The following KLHL22 variants were observed in gnomAD, a reference collection of about 807,000 sequenced individuals.
The protein encoded by KLHL22 is kelch-like protein 22.
Under a neutral mutation model 60.7 loss-of-function variants are expected in KLHL22, and 18 were observed. The ratio of observed to expected loss-of-function variants is 0.30; its 90% CI spans 0.20 to 0.44. The LOEUF (loss-of-function observed/expected upper bound fraction) is 0.44. Among genes scored for constraint, KLHL22 ranks in the 20% least tolerant of loss-of-function variants. The pLI is 1.00. For synonymous variants in KLHL22, 355 were observed against 354.5 expected (o/e 1.00, Z -0.01); for missense variants, 596 against 852.3 (o/e 0.70, Z 3.74).
Position 20,471,338 on chromosome 22 carries a change from G to A in KLHL22, c.393+12C>T. 1 of 1,612,334 alleles carries A rather than the reference G, an allele frequency of 6.2e-7. No homozygotes were observed. The highest frequency in any genetic ancestry group is 8.5e-7 in the Non-Finnish European group (1 of 1,178,924). On this transcript the variant is annotated intron_variant, in intron 3 of 6. Coordinates refer to ENST00000328879, the MANE Select transcript of KLHL22 (RefSeq NM_032775.4). ...GGTGTGGGTCTGCCTTGCTAGATGAGACATGCCTCACCTGAAGCTGGCAGG... is the reference window on the plus strand; with the variant it reads ...GGTGTGGGTCTGCCTTGCTAGATGAAACATGCCTCACCTGAAGCTGGCAGG...
At chr22:20,470,979 C>T (rs550487154) in intron 3 of KLHL22, among the ~76,000 whole-genome samples, 1 of 152,228 alleles carries the variant, frequency 6.6e-6, no homozygotes, top group South Asian at 2.1e-4. Flanking sequence ...AGGAAGGGCC[C>T]TGGCAGCAAT....
intron 5 of KLHL22, among the ~76,000 whole-genome samples, chr22:20,456,909 G>GT (rs1306187486): frequency 2.0e-5 from 3 of 152,232 alleles, no homozygotes; most frequent in Non-Finnish European, 2.9e-5. Context: ...GGCAGTGCAG[G>GT]TAGAACCTGC....
chr22:20,486,683 CTT>C (rs60166792), intron 2 of KLHL22, among the ~76,000 whole-genome samples: 53 of 140,776 alleles, frequency 3.8e-4, no homozygotes, highest in Non-Finnish European at 4.0e-4. Flanking sequence ...TATTTCTTTT[CTT>C]TTTTTTTTTT....
At chr22:20,463,729 C>T (rs1386308730) in intron 4 of KLHL22, among the ~76,000 whole-genome samples, 1 of 152,208 alleles carries the variant, frequency 6.6e-6, no homozygotes, top group Non-Finnish European at 1.5e-5. Flanking sequence ...TTTTCTGAAA[C>T]CTGCCCTTCC....
At chr22:20,450,807 G>T in intron 5 of KLHL22, 1 of 1,468,186 alleles carries the variant, frequency 6.8e-7, no homozygotes, top group Non-Finnish European at 9.6e-7. Context: ...TAACCCTCAG[G>T]TATATCACAG....
At chr22:20,474,026 G>A (rs2146247884) in intron 2 of KLHL22, among the ~76,000 whole-genome samples, 1 of 152,196 alleles carries the variant, frequency 6.6e-6, no homozygotes, top group East Asian at 1.9e-4. Flanking sequence ...TTGAGACGAA[G>A]TCTCACTCTG....
rs999545741 is a variant in KLHL22, at chr22:20,489,675, C to T, written c.-33-431G>A. 4 of 470,896 alleles carry T rather than the reference C, an allele frequency of 8.5e-6. No homozygotes were observed. In the Admixed American group the frequency reaches 9.4e-5, roughly 11 times the overall value. 29.2% of individuals were successfully genotyped at this position (470,896 alleles called of 1,614,324 possible). Reference sequence around the variant, plus strand: ...AAACAATGAACATGAAGCATAAGCACACACCAGGTTCTCAAGAGCTCTTCC... The same window carrying T: ...AAACAATGAACATGAAGCATAAGCATACACCAGGTTCTCAAGAGCTCTTCC... On this transcript the variant is annotated intron_variant, in intron 1 of 6. Transcript: ENST00000328879.
intron 3 of KLHL22, among the ~76,000 whole-genome samples, chr22:20,470,591 G>A (rs2053298967): frequency 6.6e-6 from 1 of 152,220 alleles, no homozygotes; most frequent in Non-Finnish European, 1.5e-5. Flanking sequence ...TGAGGCTGCA[G>A]TGAGCTGTGA....
chr22:20,448,137 C>G (rs2052907473), intron 5 of KLHL22, among the ~76,000 whole-genome samples: 1 of 152,206 alleles, frequency 6.6e-6, no homozygotes, highest in African/African-American at 2.4e-5. Context: ...TTTGTAACTT[C>G]AAGAGTGTTG....
intron 2 of KLHL22, among the ~76,000 whole-genome samples, chr22:20,477,345 C>T (rs921126929): frequency 6.6e-6 from 1 of 151,482 alleles, no homozygotes; most frequent in African/African-American, 2.4e-5. Flanking sequence ...GAGCTGATAT[C>T]GCACCACTAC....
intron 1 of KLHL22, among the ~76,000 whole-genome samples, chr22:20,493,867 A>G (rs781218499): frequency 2.0e-5 from 3 of 150,416 alleles, no homozygotes; most frequent in Non-Finnish European, 3.0e-5. Context: ...GTTCAAGACC[A>G]GCCTGGCCAA....
chr22:20,462,325 T>C (rs2053169247), intron 4 of KLHL22, among the ~76,000 whole-genome samples: 1 of 149,252 alleles, frequency 6.7e-6, no homozygotes, highest in Non-Finnish European at 1.5e-5. Flanking sequence ...TTAGCAGCCA[T>C]GAAATGCCGA....
At chr22:20,472,055 T>C (rs2053334939) in intron 2 of KLHL22, among the ~76,000 whole-genome samples, 2 of 152,020 alleles carry the variant, frequency 1.3e-5, no homozygotes, top group African/African-American at 4.8e-5. Flanking sequence ...GAGACCAGCC[T>C]GGCCCACATG....
intron 5 of KLHL22, among the ~76,000 whole-genome samples, chr22:20,448,889 T>C (rs568302825): frequency 1.1e-4 from 16 of 152,338 alleles, no homozygotes; most frequent in African/African-American, 3.8e-4. Flanking sequence ...TTCACTACTT[T>C]TTATTTTAGT....
At chr22:20,451,559 T>C in intron 5 of KLHL22, 1 of 1,597,468 alleles carries the variant, frequency 6.3e-7, no homozygotes, top group South Asian at 1.1e-5. Flanking sequence ...GTGGGGAGAT[T>C]TGATGGTACA....
At chr22:20,460,885 C>T (rs1040102173) in intron 4 of KLHL22, among the ~76,000 whole-genome samples, 1 of 152,076 alleles carries the variant, frequency 6.6e-6, no homozygotes, top group African/African-American at 2.4e-5. Context: ...CCCCAAAACC[C>T]CTATGTTGAA....
intron 2 of KLHL22, among the ~76,000 whole-genome samples, chr22:20,477,676 C>T (rs1379161109): frequency 2.0e-5 from 3 of 152,172 alleles, no homozygotes; most frequent in Non-Finnish European, 4.4e-5. Context: ...AGATATGAGA[C>T]ATTGTGGGTG....
rs1364246432 is a variant in KLHL22, at chr22:20,465,045, T to A, written c.925A>T (p.Thr309Ser). 6.2e-7 allele frequency: 1 copy of A among 1,611,476 alleles called. No individual in the cohort carries two copies. The highest frequency in any genetic ancestry group is 1.7e-5 in the Admixed American group (1 of 59,886). Residue 309 changes from threonine (T) to serine (S), a missense_variant, in exon 4 of 7, where the codon ACG becomes TCG. Thr to Ser is a moderately conservative substitution (Grantham distance 58). Transcript: ENST00000328879. The surrounding 1 kb of genome is among the most constrained non-coding windows in gnomAD (Gnocchi z 4.9). ...CVVGFGGIHS[T>S]PSTVLSDQAK... The stretch of plus-strand genomic sequence containing the variant: ...TGGTCGCTGAGGACAGTGGACGGCG[T>A]GGAGTGAATGCCCCCGAAGCCCACA...
intron 2 of KLHL22, among the ~76,000 whole-genome samples, chr22:20,472,425 T>C (rs1044312575): frequency 6.6e-6 from 1 of 152,116 alleles, no homozygotes; most frequent in African/African-American, 2.4e-5. Context: ...ATCCTGTCTC[T>C]ACAAAAATTA....
Sources: gnomAD v4.1 joint callset for allele counts (sites outside exome capture counted in the v4.1 genomes callset) on GRCh38, gnomAD v4.1.1 for gene constraint, Gnocchi (gnomAD v3.1) non-coding constraint, MANE v1.5 for transcripts, NCBI Gene and HGNC (gene_info 2026-07-23, HGNC 2026-07-21) for gene names.